COL23A1: variants seen among roughly 807,000 people sequenced by gnomAD.
COL23A1 encodes the protein collagen alpha-1(XXIII) chain.
In COL23A1, 97 loss-of-function variants were observed where a neutral mutation model predicts 99.3. The ratio of observed to expected loss-of-function variants is 0.98; its 90% CI spans 0.83 to 1.16. The LOEUF is 1.16. COL23A1 is among the 50% of genes most tolerant of loss of function. The pLI, the probability that COL23A1 is intolerant of heterozygous loss-of-function variation, is 0.00. For synonymous variants in COL23A1, 320 were observed against 308.2 expected (o/e 1.04, Z -0.40); for missense variants, 762 against 757.4 (o/e 1.01, Z -0.07).
chr5:178,248,237 C>T lies in COL23A1; in HGVS notation c.1167G>A (p.Lys389=), dbSNP rs1371595783. ...CAGACGCCGACTCCCCCTTCTCCCC[C>T]TTGAGGCCGTCAGCGCCCTGCAGGA... ...LSGLPGADGL[K]GEKGESASDS... The change falls in exon 20 of 29, where the codon AAG becomes AAA. Residue 389 remains lysine (K), a synonymous_variant. Coordinates refer to ENST00000390654, the MANE Select transcript of COL23A1 (RefSeq NM_173465.4). The T allele has an allele frequency of 6.2e-7, 1 of 1,612,644 alleles. No homozygotes were observed. Among genetic ancestry groups the T allele is most frequent in the South Asian group, 1.1e-5 (1 of 91,038 alleles).
intron 2 of COL23A1, among the ~76,000 whole-genome samples, chr5:178,475,053 T>C (rs915978613): frequency 1.3e-5 from 2 of 152,210 alleles, no homozygotes; most frequent in African/African-American, 2.4e-5. Context: ...CACAGTCACA[T>C]GGCAGCATTC....
chr5:178,290,758 T>TGGG lies in COL23A1; in HGVS notation c.407-390_407-389insCCC, dbSNP rs1432522815. 2.6e-3 allele frequency among the ~76,000 whole-genome samples: 390 copies of TGGG among 152,308 alleles called. 2 individuals are homozygous for TGGG. The highest frequency in any genetic ancestry group is 3.2e-3 in the Non-Finnish European group (221 of 68,030). On this transcript the variant is annotated intron_variant, in intron 3 of 28. Transcript: ENST00000390654. ...GGGCAGACTGGGGGAGCAAACATTT[T>TGGG]GGACAGAGAGAATACTGGGAGGAAT...
intron 18 of COL23A1, among the ~76,000 whole-genome samples, chr5:178,249,716 A>ACACACACACACACACACACT: frequency 1.1e-4 from 10 of 92,804 alleles, no homozygotes; most frequent in African/African-American, 4.3e-4. Context: ...ACACACACAC[A>ACACACACACACACACACACT]CTCTCTCTCT....
chr5:178,269,417 ACCCGTCC>A (rs1284274716), intron 6 of COL23A1, among the ~76,000 whole-genome samples: 20 of 100,730 alleles, frequency 2.0e-4, no homozygotes, highest in African/African-American at 5.8e-4. Flanking sequence ...CCATCCATCC[ACCCGTCC>A]ATCCACCCAC....
intron 2 of COL23A1, among the ~76,000 whole-genome samples, chr5:178,530,078 G>A (rs561380274): frequency 1.3e-5 from 2 of 152,200 alleles, no homozygotes; most frequent in East Asian, 1.9e-4. Flanking sequence ...GAAAATCAGC[G>A]TGAAGGAATA....
intron 2 of COL23A1, among the ~76,000 whole-genome samples, chr5:178,465,744 G>A (rs995860372): frequency 1.3e-5 from 2 of 152,244 alleles, no homozygotes; most frequent in African/African-American, 4.8e-5. Context: ...ACGAGATGGG[G>A]AGGCAGAGTG....
intron 2 of COL23A1, among the ~76,000 whole-genome samples, chr5:178,379,398 A>G (rs1475999441): frequency 6.6e-6 from 1 of 152,164 alleles, no homozygotes; most frequent in Non-Finnish European, 1.5e-5. Flanking sequence ...CATGCAGAGA[A>G]AGAGGCCTGG....
chr5:178,393,728 C>T (rs550733783), intron 2 of COL23A1, among the ~76,000 whole-genome samples: 24 of 151,938 alleles, frequency 1.6e-4, no homozygotes, highest in Admixed American at 2.6e-4. Context: ...CTCCACCTCC[C>T]GGGCTCAAGC....
chr5:178,400,731 GT>G (rs1393843907), intron 2 of COL23A1, among the ~76,000 whole-genome samples: 5 of 151,414 alleles, frequency 3.3e-5, no homozygotes, highest in Admixed American at 1.3e-4. Context: ...TCTACCTCAT[GT>G]GTTCAAGTGA....
At chr5:178,449,926 C>T (rs1469053546) in intron 2 of COL23A1, among the ~76,000 whole-genome samples, 4 of 152,082 alleles carry the variant, frequency 2.6e-5, no homozygotes, top group East Asian at 1.9e-4. Flanking sequence ...ACCGTATACC[C>T]GGCGCAGAAG....
chr5:178,516,957 T>C (rs978057484), intron 2 of COL23A1, among the ~76,000 whole-genome samples: 2 of 152,190 alleles, frequency 1.3e-5, no homozygotes, highest in Admixed American at 1.3e-4. Flanking sequence ...ATCTGTGGCT[T>C]TGTGTGTGGA....
At chr5:178,541,424 C>G (rs184529720) in intron 2 of COL23A1, among the ~76,000 whole-genome samples, 5 of 152,098 alleles carry the variant, frequency 3.3e-5, no homozygotes, top group African/African-American at 4.8e-5. Context: ...CCCGTCTCTA[C>G]CAGAAATACA....
At chr5:178,245,131 C>T (rs1197344873) in intron 25 of COL23A1, among the ~76,000 whole-genome samples, 1 of 150,258 alleles carries the variant, frequency 6.7e-6, no homozygotes, top group Admixed American at 6.6e-5. Context: ...ATCCATCCAT[C>T]CACTCATCAT....
chr5:178,547,349 G>C (rs556282447), intron 2 of COL23A1, among the ~76,000 whole-genome samples: 1 of 151,992 alleles, frequency 6.6e-6, no homozygotes, highest in African/African-American at 2.4e-5. Context: ...ACATGGGAAA[G>C]AACATGGGTA....
At chr5:178,391,303 A>G (rs1763950010) in intron 2 of COL23A1, among the ~76,000 whole-genome samples, 1 of 152,388 alleles carries the variant, frequency 6.6e-6, no homozygotes, top group East Asian at 1.9e-4. Context: ...AAAAGGAAAA[A>G]GATAAGCCAT....
intron 2 of COL23A1, among the ~76,000 whole-genome samples, chr5:178,417,508 C>T (rs2127790080): frequency 6.6e-6 from 1 of 152,324 alleles, no homozygotes; most frequent in Admixed American, 6.5e-5. Context: ...GATTCTCCCT[C>T]TGGGAGAAAA....
At chr5:178,362,973 A>ACGG (rs1762255486) in intron 2 of COL23A1, among the ~76,000 whole-genome samples, 3 of 57,588 alleles carry the variant, frequency 5.2e-5, no homozygotes, top group Non-Finnish European at 6.5e-5. Context: ...ACCCACCCCC[A>ACGG]CAGCAACCCA....
intron 2 of COL23A1, chr5:178,345,271 C>G: frequency 1.4e-6 from 1 of 690,818 alleles, no homozygotes; most frequent in Non-Finnish European, 2.5e-6. Context: ...TTGATGAACT[C>G]GGTGCCAGTA....
At chr5:178,560,022 T>C (rs1179925998) in intron 2 of COL23A1, among the ~76,000 whole-genome samples, 2 of 152,114 alleles carry the variant, frequency 1.3e-5, no homozygotes, top group Non-Finnish European at 2.9e-5. Flanking sequence ...AAAACACCAG[T>C]GTTAGAGACC....
Sources: gnomAD v4.1 joint callset for allele counts (sites outside exome capture counted in the v4.1 genomes callset) on GRCh38, gnomAD v4.1.1 for gene constraint, MANE v1.5 for transcripts, NCBI Gene and HGNC (gene_info 2026-07-23, HGNC 2026-07-21) for gene names.